Variants in HCN4 observed in about 807,000 individuals in gnomAD.
The protein encoded by HCN4 is potassium/sodium hyperpolarization-activated cyclic nucleotide-gated channel 4.
A neutral mutation model predicts 76.9 loss-of-function variants in HCN4; 29 were observed. The observed-to-expected ratio is 0.38, with a 90% confidence interval of 0.28 to 0.51. HCN4 has a LOEUF of 0.51. HCN4 is among the 20% of genes least tolerant of loss of function. HCN4 has a pLI of 0.90. For missense variants in HCN4, 1,416 were observed against 1,715.2 expected, an observed-to-expected ratio of 0.83 and a Z score of 3.08; for synonymous variants, 772 against 762.5, an observed-to-expected ratio of 1.01 and a Z score of -0.21.
At chr15:73,327,866 CT>C (rs2042910010) in intron 4 of HCN4, among the ~76,000 whole-genome samples, 1 of 152,186 alleles carries the variant, frequency 6.6e-6, no homozygotes, top group African/African-American at 2.4e-5. Flanking sequence ...GAGCTCTCTT[CT>C]TGGCATCATG....
chr15:73,353,346 T>C (rs2043063476), intron 1 of HCN4, among the ~76,000 whole-genome samples: 1 of 152,092 alleles, frequency 6.6e-6, no homozygotes, highest in Admixed American at 6.5e-5. Context: ...GGCTCCTAAG[T>C]GGTCAGCAGA....
Position 73,343,685 on chromosome 15 carries a change from G to A in HCN4, c.909C>T (p.Asp303=), listed in dbSNP as rs1218030750. ...GGACCAAGTCGATGAGGAAGAATGT[G>A]TCTGACACCACATTGAAGACAATCC... The part of the protein sequence containing the change: ...TPWIVFNVVS[D]TFFLIDLVLN... Residue 303 remains aspartate, a synonymous_variant, in exon 2 of 8, where the codon GAC becomes GAT. Transcript: ENST00000261917. The surrounding 1 kb of genome is among the most constrained non-coding windows in gnomAD (Gnocchi z 5.7). 6 of 1,614,142 alleles carry A rather than the reference G, an allele frequency of 3.7e-6. No individual in the cohort carries two copies. Among genetic ancestry groups the A allele is most frequent in the Non-Finnish European group, 5.1e-6 (6 of 1,179,990 alleles).
intron 2 of HCN4, among the ~76,000 whole-genome samples, chr15:73,340,486 C>A (rs1016510420): frequency 6.6e-6 from 1 of 152,174 alleles, no homozygotes; most frequent in Non-Finnish European, 1.5e-5. Flanking sequence ...CCACCTGCGA[C>A]GGAAACCAGG....
intron 1 of HCN4, among the ~76,000 whole-genome samples, chr15:73,366,529 C>A (rs1244486331): frequency 6.6e-6 from 1 of 152,192 alleles, no homozygotes; most frequent in African/African-American, 2.4e-5. Flanking sequence ...AGGACCTTGA[C>A]TTAGGTAAAG....
intron 3 of HCN4, among the ~76,000 whole-genome samples, chr15:73,331,347 G>C (rs935988265): frequency 1.3e-5 from 2 of 152,350 alleles, no homozygotes; most frequent in South Asian, 4.1e-4. Flanking sequence ...GGATATGTTG[G>C]CGAGTGGGGG....
chr15:73,357,143 G>C (rs918230086), intron 1 of HCN4, among the ~76,000 whole-genome samples: 9 of 152,180 alleles, frequency 5.9e-5, no homozygotes, highest in African/African-American at 2.2e-4. Context: ...TGCCAATTCA[G>C]GCTTTGGGAT....
At chr15:73,357,961 T>C (rs1307345059) in intron 1 of HCN4, among the ~76,000 whole-genome samples, 5 of 152,178 alleles carry the variant, frequency 3.3e-5, no homozygotes, top group African/African-American at 9.6e-5. Flanking sequence ...CTGCTGGCTC[T>C]ATTTGTGCTA....
intron 1 of HCN4, among the ~76,000 whole-genome samples, chr15:73,353,728 G>A (rs1209913286): frequency 1.3e-5 from 2 of 152,120 alleles, no homozygotes; most frequent in African/African-American, 2.4e-5. Flanking sequence ...CCCAGGGTGA[G>A]CAGGAGTCCT....
At chr15:73,360,564 A>G (rs1333080301) in intron 1 of HCN4, among the ~76,000 whole-genome samples, 1 of 152,240 alleles carries the variant, frequency 6.6e-6, no homozygotes, top group Non-Finnish European at 1.5e-5. Context: ...AAACACTAAC[A>G]TAAAAGAAGG....
In HCN4 at chr15:73,357,739, C is replaced by A. The variant is rs1008682716; in HGVS notation, c.785+9747G>T. 2.0e-5 allele frequency among the ~76,000 whole-genome samples: 3 copies of A among 152,052 alleles called. No homozygotes were observed. In the East Asian group the frequency reaches 5.8e-4, roughly 30 times the overall value. ...AAGAGGCCTCACCAATATGACACAA[C>A]GTGCCAGGAAGACCCCCAGCCCCGC... is the stretch of plus-strand genomic sequence containing the variant. On this transcript the variant is annotated intron_variant, in intron 1 of 7. Coordinates refer to ENST00000261917, the MANE Select transcript of HCN4 (RefSeq NM_005477.3).
At chr15:73,346,956 A>G (rs1185884432) in intron 1 of HCN4, among the ~76,000 whole-genome samples, 2 of 152,190 alleles carry the variant, frequency 1.3e-5, no homozygotes, top group Non-Finnish European at 2.9e-5. Flanking sequence ...CAGTGGGTTT[A>G]GCCAGGGGAA....
rs1045262284 is a variant in HCN4 at position 73,322,446 on chromosome 15, G to A, written c.*35C>T. ...AACCTGAAGGAAGAAGGAAGGGAGA[G>A]AAAAGAAGAAAGAAGAGGGAAGGAA... is the stretch of plus-strand genomic sequence containing the variant. On this transcript the variant is annotated 3_prime_UTR_variant, in exon 8 of 8. Transcript: ENST00000261917. 2.7e-6 allele frequency: 4 copies of A among 1,498,178 alleles called. No individual in the cohort carries two copies. In the East Asian group the frequency reaches 7.3e-5, roughly 27 times the overall value. 92.8% of individuals were successfully genotyped at this position (1,498,178 alleles called of 1,614,324 possible).
intron 1 of HCN4, among the ~76,000 whole-genome samples, chr15:73,351,078 T>A (rs781498135): frequency 2.6e-5 from 4 of 152,184 alleles, no homozygotes; most frequent in Non-Finnish European, 4.4e-5. Context: ...ATTTCCTCCC[T>A]GGCCTTTAGC....
intron 2 of HCN4, chr15:73,342,283 C>T (rs2043009427): frequency 6.6e-6 from 1 of 152,288 alleles, no homozygotes; most frequent in South Asian, 2.1e-4. Context: ...CCGCCCAGTT[C>T]TTTTTCAATG....
Position 73,320,069 on chromosome 15 carries a change from G to A in HCN4, c.*2412C>T, listed in dbSNP as rs1171053927. 6.6e-6 allele frequency: 1 copy of A among 152,334 alleles called. No individual in the cohort carries two copies. Among genetic ancestry groups the A allele is most frequent in the East Asian group, 1.9e-4 (1 of 5,200 alleles). 9.4% of individuals were successfully genotyped at this position (152,334 alleles called of 1,614,324 possible). The stretch of plus-strand genomic sequence containing the variant: ...GTGTAAGTAGAGAAGAGGGTGGTTA[G>A]GCCAGGCTCTGATGGCAAGGGGGCT... On this transcript the variant is annotated 3_prime_UTR_variant, in exon 8 of 8. Coordinates refer to ENST00000261917, the MANE Select transcript of HCN4 (RefSeq NM_005477.3).
At chr15:73,364,924 A>G (rs1030279347) in intron 1 of HCN4, among the ~76,000 whole-genome samples, 3 of 152,182 alleles carry the variant, frequency 2.0e-5, no homozygotes, top group Non-Finnish European at 2.9e-5. Context: ...TCAATCTATC[A>G]TTGTTTGCTG....
At position 73,322,064 on chromosome 15, in the gene HCN4, TG is replaced by T; in HGVS notation, c.*416del. Reference sequence around the variant, plus strand: ...GGCACACCCCAGGGCAGCCCCTTTCTGGGGGCAGAGTGGAGCTCCAAGTTAC... The same window carrying T: ...GGCACACCCCAGGGCAGCCCCTTTCTGGGGCAGAGTGGAGCTCCAAGTTAC... On this transcript the variant is annotated 3_prime_UTR_variant, in exon 8 of 8. Coordinates refer to ENST00000261917, the MANE Select transcript of HCN4 (RefSeq NM_005477.3). 3.9e-6 allele frequency: 1 copy of T among 258,146 alleles called. No individual in the cohort carries two copies. Among genetic ancestry groups the T allele is most frequent in the Non-Finnish European group, 7.5e-6 (1 of 133,512 alleles). The allele number at this position is 258,146 out of a possible 1,614,324, so 16.0% of individuals were successfully genotyped here. A position where few individuals can be genotyped will look rare whatever the true frequency, so the allele number is the denominator to read the frequency against.
At chr15:73,337,707 A>G (rs2042975199) in intron 2 of HCN4, among the ~76,000 whole-genome samples, 1 of 152,204 alleles carries the variant, frequency 6.6e-6, no homozygotes, top group African/African-American at 2.4e-5. Context: ...GGTGAAGGCA[A>G]TGGTGACAGT....
Position 73,323,378 on chromosome 15 carries a change from G to C in HCN4, c.2715C>G (p.Ala905=), listed in dbSNP as rs745886315. Residue 905 remains alanine, a synonymous_variant, in exon 8 of 8, where the codon GCC becomes GCG. Coordinates refer to ENST00000261917, the MANE Select transcript of HCN4 (RefSeq NM_005477.3). ...PSAGVAATTI[A]GFGHFHKALG... is the part of the protein sequence containing the mutation. ...GCGCCTTGTGGAAGTGGCCAAACCCGGCTATGGTGGTGGCGGCTACGCCAG... is the reference window on the plus strand; with the variant it reads ...GCGCCTTGTGGAAGTGGCCAAACCCCGCTATGGTGGTGGCGGCTACGCCAG... 1 of 1,586,318 alleles carries C rather than the reference G, an allele frequency of 6.3e-7. No individual in the cohort carries two copies. Among genetic ancestry groups the C allele is most frequent in the Non-Finnish European group, 8.6e-7 (1 of 1,166,798 alleles).
Sources: allele counts gnomAD v4.1 joint callset (sites outside exome capture counted in the v4.1 genomes callset), GRCh38; gene constraint gnomAD v4.1.1; non-coding constraint Gnocchi (gnomAD v3.1); transcripts MANE v1.5; gene names NCBI Gene and HGNC (gene_info 2026-07-23, HGNC 2026-07-21).